PDE8A: variants seen among roughly 807,000 people sequenced by gnomAD.
PDE8A encodes the protein high affinity cAMP-specific and IBMX-insensitive 3',5'-cyclic phosphodiesterase 8A.
In PDE8A, 59 loss-of-function variants were observed where a neutral mutation model predicts 105.0. The observed-to-expected ratio is 0.56, with a 90% CI of 0.46 to 0.70. The LOEUF (loss-of-function observed/expected upper bound fraction) is 0.70. Ranked by LOEUF, PDE8A falls within the 30% of genes least tolerant of loss-of-function variation. PDE8A has a pLI of 0.00. For synonymous variants in PDE8A, 355 were observed against 371.9 expected (o/e 0.95, Z 0.52); for missense variants, 1,014 against 1,045.9 (o/e 0.97, Z 0.42).
In PDE8A at chr15:85,109,124, A is replaced by C; in HGVS notation, c.1108A>C (p.Thr370Pro). ...LDVKAVASRA[T>P]EVSSQRRHSS... ...CGTCAAAGCTGTTGCCTCCCGTGCA[A>C]CTGAAGGTGAGTGACAAAGACAAGA... The change falls in exon 12 of 22, where the codon ACT becomes CCT. Residue 370 changes from threonine to proline, a missense_variant. Coordinates refer to ENST00000394553, the MANE Select transcript of PDE8A (RefSeq NM_002605.3). 1 of 1,607,214 alleles carries C rather than the reference A, an allele frequency of 6.2e-7. No individual in the cohort carries two copies. Among genetic ancestry groups the C allele is most frequent in the African/African-American group, 1.3e-5 (1 of 74,900 alleles).
chr15:85,096,220 A>AT (rs1249184373), intron 8 of PDE8A, among the ~76,000 whole-genome samples: 5 of 151,934 alleles, frequency 3.3e-5, no homozygotes, highest in African/African-American at 9.7e-5. Flanking sequence ...GGTCCCTGTA[A>AT]TTTTTTTCTC....
intron 1 of PDE8A, among the ~76,000 whole-genome samples, chr15:85,017,091 C>T (rs1402426991): frequency 6.6e-6 from 1 of 150,850 alleles, no homozygotes; most frequent in Non-Finnish European, 1.5e-5. Flanking sequence ...GAAACCCCGT[C>T]TCTACTAAAA....
chr15:85,078,145 C>A (rs1449408851), intron 5 of PDE8A, among the ~76,000 whole-genome samples: 251 of 119,688 alleles, frequency 2.1e-3, no homozygotes, highest in South Asian at 2.7e-3. Context: ...AGTGAAACTG[C>A]AAAAAAAAAA....
At chr15:85,019,876 G>A (rs532143962) in intron 1 of PDE8A, among the ~76,000 whole-genome samples, 3 of 151,224 alleles carry the variant, frequency 2.0e-5, no homozygotes, top group African/African-American at 4.9e-5. Flanking sequence ...GCCACTATGC[G>A]TGGCCAGTGT....
At position 85,126,264 on chromosome 15, in the gene PDE8A, AC is replaced by A; in HGVS notation, c.2146del (p.Leu716Ter). 6.2e-7 allele frequency: 1 copy of A among 1,613,028 alleles called. No homozygotes were observed. Among genetic ancestry groups the A allele is most frequent in the Non-Finnish European group, 8.5e-7 (1 of 1,179,438 alleles). The part of the protein sequence containing the change: ...NTMLRTPENR[T>X]LIKRMLIKCA... ...TATGCTTAGGACTCCAGAGAACCGG[AC>A]CCTAATCAAACGAATGCTGATTAAA... On this transcript the variant is annotated frameshift_variant, in exon 20 of 22. Transcript: ENST00000394553. LOFTEE classifies it high-confidence loss of function.
At chr15:85,124,845 C>G (rs1370075393) in intron 19 of PDE8A, among the ~76,000 whole-genome samples, 1 of 152,188 alleles carries the variant, frequency 6.6e-6, no homozygotes, top group Non-Finnish European at 1.5e-5. Context: ...ACCCAGCAGA[C>G]TTGGTTTCCT....
intron 2 of PDE8A, among the ~76,000 whole-genome samples, chr15:85,066,609 C>CACATACACAT (rs1365873241): frequency 1.1e-5 from 1 of 89,830 alleles, no homozygotes. Context: ...CACACACACA[C>CACATACACAT]ACACACACAC....
intron 1 of PDE8A, among the ~76,000 whole-genome samples, chr15:85,037,932 T>C (rs1170832841): frequency 6.6e-6 from 1 of 152,244 alleles, no homozygotes; most frequent in African/African-American, 2.4e-5. Flanking sequence ...TTTCCCCTTG[T>C]AGATATACAA....
At chr15:85,100,313 CA>C in intron 11 of PDE8A, 115 bp downstream of exon 11, 1 of 874,966 alleles carries the variant, frequency 1.1e-6, no homozygotes, top group Non-Finnish European at 1.8e-6. Context: ...CAGACTGTGG[CA>C]ACATTTCTCT....
intron 1 of PDE8A, among the ~76,000 whole-genome samples, chr15:85,056,844 T>G (rs1165063491): frequency 6.6e-6 from 1 of 152,356 alleles, no homozygotes; most frequent in African/African-American, 2.4e-5. Flanking sequence ...CGTCCAGCTT[T>G]GTTCCATTGC....
At chr15:85,004,585 A>G (rs2122858) in intron 1 of PDE8A, among the ~76,000 whole-genome samples, 98,505 of 152,134 alleles carry the variant, frequency 0.65, 32,677 homozygotes, top group African/African-American at 0.81. Context: ...AATCCACTCT[A>G]TCGCCTAATA....
chr15:85,132,784 CTT>C (rs2082347435), intron 20 of PDE8A, among the ~76,000 whole-genome samples: 1 of 152,088 alleles, frequency 6.6e-6, no homozygotes, highest in Non-Finnish European at 1.5e-5. Flanking sequence ...TAATTTCTCT[CTT>C]TGCTGATATT....
chr15:84,993,717 A>C (rs575843616), intron 1 of PDE8A, among the ~76,000 whole-genome samples: 1 of 148,974 alleles, frequency 6.7e-6, no homozygotes, highest in Non-Finnish European at 1.5e-5. Flanking sequence ...CCCATTCTCT[A>C]TAAAAAAAAA....
chr15:84,992,456 G>A lies in PDE8A; in HGVS notation c.186+10108G>A, dbSNP rs564715302. Among the ~76,000 whole-genome samples, 22 of 152,294 alleles carry A rather than the reference G, an allele frequency of 1.4e-4. No individual in the cohort carries two copies. In the South Asian group the frequency reaches 4.6e-3, roughly 32 times the overall value. ...GTCTAAAAGCCAGGTTGAGGAGTTT[G>A]AAGTCCATCCTATAAACCTCAGAGA... On this transcript the variant is annotated intron_variant, in intron 1 of 21. Coordinates refer to ENST00000394553, the MANE Select transcript of PDE8A (RefSeq NM_002605.3).
At chr15:85,134,695 G>C (rs1242840876) in intron 20 of PDE8A, among the ~76,000 whole-genome samples, 1 of 152,156 alleles carries the variant, frequency 6.6e-6, no homozygotes, top group East Asian at 1.9e-4. Context: ...TAGCATACAC[G>C]CACCTCTGGG....
intron 11 of PDE8A, among the ~76,000 whole-genome samples, chr15:85,100,458 CAT>C: frequency 1.3e-5 from 2 of 152,334 alleles, no homozygotes; most frequent in Middle Eastern, 6.8e-3. Flanking sequence ...TGCATGAACT[CAT>C]GTGAAGTGTG....
At chr15:85,068,162 T>A (rs1184741656) in intron 3 of PDE8A, among the ~76,000 whole-genome samples, 1 of 152,102 alleles carries the variant, frequency 6.6e-6, no homozygotes, top group Non-Finnish European at 1.5e-5. Flanking sequence ...TGCCTCAGCC[T>A]CCCAAGTAGC....
intron 1 of PDE8A, among the ~76,000 whole-genome samples, chr15:84,996,023 G>A (rs974055658): frequency 2.6e-5 from 4 of 152,052 alleles, no homozygotes; most frequent in Non-Finnish European, 4.4e-5. Flanking sequence ...AATTTTTCAT[G>A]TTTGTTGCCT....
At chr15:85,093,979 C>T (rs1337931380) in intron 8 of PDE8A, among the ~76,000 whole-genome samples, 1 of 152,158 alleles carries the variant, frequency 6.6e-6, no homozygotes, top group East Asian at 1.9e-4. Flanking sequence ...CCCACTTCAG[C>T]CTCCCAAGTA....
Sources: allele counts gnomAD v4.1 joint callset (sites outside exome capture counted in the v4.1 genomes callset), GRCh38; gene constraint gnomAD v4.1.1; transcripts MANE v1.5; gene names NCBI Gene and HGNC (gene_info 2026-07-23, HGNC 2026-07-21).